Variants in INPP5D observed in about 807,000 individuals in gnomAD.
INPP5D encodes the protein phosphatidylinositol 3,4,5-trisphosphate 5-phosphatase 1.
Under a neutral mutation model 122.9 loss-of-function variants are expected in INPP5D, and 33 were observed. The observed-to-expected ratio is 0.27, with a 90% CI of 0.20 to 0.36. The LOEUF (loss-of-function observed/expected upper bound fraction) is 0.36, where lower values mean the gene tolerates loss of function less well. INPP5D is among the 10% of genes least tolerant of loss of function. The pLI is 1.00. For missense variants in INPP5D, 1,053 were observed against 1,412.7 expected, an observed-to-expected ratio of 0.75 and a Z score of 4.08; for synonymous variants, 584 against 576.2, an observed-to-expected ratio of 1.01 and a Z score of -0.19.
chr2:233,193,720 G>A, intron 22 of INPP5D, 92 bp from the exon 23 acceptor site: 1 of 1,602,974 alleles, frequency 6.2e-7, no homozygotes. Context: ...CTGGGCTATA[G>A]TTTCAAAGGA....
intron 1 of INPP5D, among the ~76,000 whole-genome samples, chr2:233,073,640 CAAAAAAAAAAA>C (rs752382722): frequency 1.6e-4 from 7 of 44,202 alleles, no homozygotes; most frequent in South Asian, 8.3e-4. Context: ...AACTCAATCT[CAAAAAAAAAAA>C]AAAAAAAAAA....
chr2:233,135,941 A>C (rs546901220), intron 5 of INPP5D, among the ~76,000 whole-genome samples: 10 of 152,370 alleles, frequency 6.6e-5, no homozygotes, highest in Admixed American at 3.9e-4. Context: ...CCCATAACAC[A>C]CTGTGATGAA....
chr2:233,154,461 G>A (rs1171985055), intron 9 of INPP5D, among the ~76,000 whole-genome samples: 2 of 152,134 alleles, frequency 1.3e-5, no homozygotes, highest in Non-Finnish European at 2.9e-5. Flanking sequence ...ATTTCTTGTG[G>A]CCCAATAACA....
At chr2:233,179,685 A>G (rs535449002) in intron 18 of INPP5D, among the ~76,000 whole-genome samples, 1 of 152,288 alleles carries the variant, frequency 6.6e-6, no homozygotes, top group East Asian at 1.9e-4. Context: ...GAATTTTGCT[A>G]ATGATATTTC....
At chr2:233,159,379 G>A (rs1694138648) in intron 10 of INPP5D, among the ~76,000 whole-genome samples, 1 of 152,148 alleles carries the variant, frequency 6.6e-6, no homozygotes, top group Non-Finnish European at 1.5e-5. Context: ...GAACAGCCTA[G>A]TCAGACCCCA....
chr2:233,082,858 T>A lies in INPP5D; in HGVS notation c.198+3460T>A, dbSNP rs1451894239. Among the ~76,000 whole-genome samples, 1 of 152,218 alleles carries A rather than the reference T, an allele frequency of 6.6e-6. No homozygotes were observed. Among genetic ancestry groups the A allele is most frequent in the Non-Finnish European group, 1.5e-5 (1 of 68,034 alleles). On this transcript the variant is annotated intron_variant, in intron 2 of 26. Coordinates refer to ENST00000445964, the MANE Select transcript of INPP5D (RefSeq NM_001017915.3). The surrounding 1 kb of genome is among the most constrained non-coding windows in gnomAD (Gnocchi z 4.7). ...GAACTCACAGCCAGGCCTCCCGGCC[T>A]CCCCGGCTAAGCTTTCTTCCTTCCA...
intron 2 of INPP5D, among the ~76,000 whole-genome samples, chr2:233,104,733 G>A (rs9752615): frequency 0.098 from 14,969 of 152,182 alleles, 1,210 homozygotes; most frequent in African/African-American, 0.22. Context: ...CGTTTGGTCA[G>A]CTGTTGAGGA....
chr2:233,153,944 G>C (rs986482435), intron 9 of INPP5D, among the ~76,000 whole-genome samples: 19 of 152,170 alleles, frequency 1.2e-4, no homozygotes, highest in African/African-American at 4.1e-4. Context: ...TGGGAAACTT[G>C]ATCAGCCCAG....
intron 8 of INPP5D, 106 bp from the exon 9 acceptor site, chr2:233,147,365 G>A (rs1693792378): frequency 6.1e-6 from 4 of 651,506 alleles, no homozygotes; most frequent in African/African-American, 1.8e-5. Flanking sequence ...CACGAAGGAC[G>A]CACACCAGAG....
chr2:233,096,115 T>G (rs1487551259), intron 2 of INPP5D, among the ~76,000 whole-genome samples: 1 of 152,204 alleles, frequency 6.6e-6, no homozygotes, highest in Non-Finnish European at 1.5e-5. Context: ...TGCTTGTGAC[T>G]GTGCATACAA....
At chr2:233,186,495 C>G in intron 21 of INPP5D, among the ~76,000 whole-genome samples, 1 of 151,954 alleles carries the variant, frequency 6.6e-6, no homozygotes, top group East Asian at 1.9e-4. Flanking sequence ...ACACATTCTT[C>G]TTTGCTATAG....
In INPP5D at chr2:233,164,234, T is replaced by G. The variant is rs1488626101; in HGVS notation, c.1438-73T>G. On this transcript the variant is annotated intron_variant, in intron 12 of 26. Transcript: ENST00000445964. This position sits in a 1 kb window ranked among gnomAD's most constrained non-coding sequence, Gnocchi z 4.3. The stretch of plus-strand genomic sequence containing the variant: ...CATACCCAGGGGCTGCGGCTGGGGC[T>G]GGGTGTGAATCACTGTGCCCTGGTT... 6.7e-7 allele frequency: 1 copy of G among 1,484,690 alleles called. No individual in the cohort carries two copies. Among genetic ancestry groups the G allele is most frequent in the East Asian group, 2.5e-5 (1 of 40,162 alleles). The allele number at this position is 1,484,690 out of a possible 1,614,324, so 92.0% of individuals were successfully genotyped here.
intron 25 of INPP5D, among the ~76,000 whole-genome samples, chr2:233,199,102 T>C (rs191450043): frequency 3.2e-3 from 465 of 147,036 alleles, no homozygotes; most frequent in Admixed American, 4.5e-3. Flanking sequence ...ATACAAAAAT[T>C]AGCCAGGCAT....
intron 2 of INPP5D, among the ~76,000 whole-genome samples, chr2:233,118,014 C>T (rs919632483): frequency 6.6e-6 from 1 of 152,230 alleles, no homozygotes; most frequent in Non-Finnish European, 1.5e-5. Context: ...GGGGATGGCA[C>T]AGCCATGAGC....
chr2:233,204,365 A>T lies in INPP5D; in HGVS notation c.3215A>T (p.Glu1072Val). 1 of 1,610,260 alleles carries T rather than the reference A, an allele frequency of 6.2e-7. No individual in the cohort carries two copies. Among genetic ancestry groups the T allele is most frequent in the South Asian group, 1.1e-5 (1 of 90,892 alleles). The change falls in exon 26 of 27, where the codon GAG becomes GTG. Residue 1072 changes from glutamate to valine, a missense_variant. Coordinates refer to ENST00000445964, the MANE Select transcript of INPP5D (RefSeq NM_001017915.3). ...AAAGCCCAGGAGGCTGATCGCGGCG[A>T]GGGGCCCGGCAAGCAGGTGCCCGCG... ...LTKAQEADRG[E>V]GPGKQVPAPR...
At chr2:233,126,507 C>T (rs1693163731) in intron 4 of INPP5D, among the ~76,000 whole-genome samples, 1 of 152,202 alleles carries the variant, frequency 6.6e-6, no homozygotes, top group Non-Finnish European at 1.5e-5. Flanking sequence ...GGCTCTCCAG[C>T]CTGAATTCTG....
chr2:233,182,465 G>A lies in INPP5D; in HGVS notation c.2127G>A (p.Glu709=), dbSNP rs1400359602. 10 of 1,613,586 alleles carry A rather than the reference G, an allele frequency of 6.2e-6. No individual in the cohort carries two copies. The highest frequency in any genetic ancestry group is 7.6e-6 in the Non-Finnish European group (9 of 1,179,726). ...ACAGCCCTGTCTTTGCCACATTTGA[G>A]GCAGGAGTCACTTCCCAGTTTGTCT... ...SDHSPVFATF[E]AGVTSQFVSK... Residue 709 remains glutamate (E), a synonymous_variant, in exon 19 of 27, where the codon GAG becomes GAA. Coordinates refer to ENST00000445964, the MANE Select transcript of INPP5D (RefSeq NM_001017915.3).
At chr2:233,073,729 T>G (rs980207994) in intron 1 of INPP5D, among the ~76,000 whole-genome samples, 3 of 151,860 alleles carry the variant, frequency 2.0e-5, no homozygotes, top group Non-Finnish European at 4.4e-5. Context: ...TGTATTTCTC[T>G]TCTTCCCTCT....
intron 3 of INPP5D, among the ~76,000 whole-genome samples, chr2:233,124,896 C>G (rs546323793): frequency 6.6e-6 from 1 of 152,358 alleles, no homozygotes; most frequent in Non-Finnish European, 1.5e-5. Flanking sequence ...TCTGTTTGGG[C>G]CCAGGGCCTC....
Sources: allele counts gnomAD v4.1 joint callset (sites outside exome capture counted in the v4.1 genomes callset), GRCh38; gene constraint gnomAD v4.1.1; non-coding constraint Gnocchi (gnomAD v3.1); transcripts MANE v1.5; gene names NCBI Gene and HGNC (gene_info 2026-07-23, HGNC 2026-07-21).